The following NEK11 variants were observed in gnomAD, a reference collection of about 807,000 sequenced individuals.
The protein encoded by NEK11 is NIMA related kinase 11.
In NEK11, 72 loss-of-function variants were observed where a neutral mutation model predicts 80.7. The observed-to-expected ratio is 0.89, with a 90% CI of 0.74 to 1.08. NEK11 has a LOEUF of 1.08. Among genes scored for constraint, NEK11 ranks in the 50% least tolerant of loss-of-function variants. NEK11 has a pLI of 0.00. For synonymous variants in NEK11, 251 were observed against 260.7 expected (o/e 0.96, Z 0.36); for missense variants, 764 against 763.6 (o/e 1.00, Z -0.01).
At chr3:131,131,093 C>T (rs756059911) in intron 5 of NEK11, among the ~76,000 whole-genome samples, 3 of 152,188 alleles carry the variant, frequency 2.0e-5, no homozygotes, top group Admixed American at 6.5e-5. Flanking sequence ...TGAGCTGCCA[C>T]GCCTGGCCTA....
chr3:131,204,658 A>ATGGTT (rs1419519120), intron 14 of NEK11, among the ~76,000 whole-genome samples: 1 of 151,814 alleles, frequency 6.6e-6, no homozygotes, highest in Non-Finnish European at 1.5e-5. Flanking sequence ...CAGAGGAAAA[A>ATGGTT]TGGTTTGAGG....
rs1327799027 is a variant in NEK11, at chr3:131,234,743, T to G, written c.1560+6055T>G. 2.0e-5 allele frequency among the ~76,000 whole-genome samples: 3 copies of G among 152,156 alleles called. No individual in the cohort carries two copies. In the East Asian group the frequency reaches 5.8e-4, roughly 29 times the overall value. ...AGTCATATTAGGACCAGTCAAACCT[T>G]GCTGTGGAATACAGCACAGTGGGGT... is the stretch of plus-strand genomic sequence containing the variant. On this transcript the variant is annotated intron_variant, in intron 15 of 17. Transcript: ENST00000383366.
At chr3:131,091,897 C>G (rs963424351) in intron 4 of NEK11, among the ~76,000 whole-genome samples, 1 of 152,178 alleles carries the variant, frequency 6.6e-6, no homozygotes, top group Non-Finnish European at 1.5e-5. Flanking sequence ...AGGATGGACA[C>G]AAAAGCAAAC....
intron 6 of NEK11, 32 bp downstream of exon 6, chr3:131,132,841 C>T (rs747621698): frequency 3.7e-5 from 37 of 1,010,518 alleles, no homozygotes; most frequent in South Asian, 8.8e-5. Flanking sequence ...ATTCCAAAAA[C>T]GCAGAACAGT....
At chr3:131,117,583 G>A (rs570030766) in intron 5 of NEK11, among the ~76,000 whole-genome samples, 6 of 152,166 alleles carry the variant, frequency 3.9e-5, no homozygotes, top group Admixed American at 6.5e-5. Context: ...CCATTTTCAC[G>A]ATATTGATTC....
intron 5 of NEK11, among the ~76,000 whole-genome samples, chr3:131,130,651 G>A (rs2084260659): frequency 6.6e-6 from 1 of 152,024 alleles, no homozygotes; most frequent in Admixed American, 6.6e-5. Context: ...TGCTTTTTCT[G>A]CATCTATTGA....
chr3:131,029,843 G>T lies in NEK11; in HGVS notation c.135G>T (p.Leu45=). Residue 45 remains leucine (L), a synonymous_variant, in exon 3 of 18, where the codon CTG becomes CTT. Coordinates refer to ENST00000383366, the MANE Select transcript of NEK11 (RefSeq NM_024800.5). ...LGSGSFGTVY[L]VSDKKAKRGE... is the part of the protein sequence containing the mutation. ...GTGGAAGTTTTGGAACTGTCTATCT[G>T]GTTTCAGACAAGAAAGCCAAACGAG... is the stretch of plus-strand genomic sequence containing the variant. 1 of 1,614,204 alleles carries T rather than the reference G, an allele frequency of 6.2e-7. No homozygotes were observed. Among genetic ancestry groups the T allele is most frequent in the South Asian group, 1.1e-5 (1 of 91,078 alleles).
At chr3:131,200,261 GA>G (rs1384972689) in intron 14 of NEK11, among the ~76,000 whole-genome samples, 1 of 152,182 alleles carries the variant, frequency 6.6e-6, no homozygotes, top group Non-Finnish European at 1.5e-5. Flanking sequence ...TCAAGGTAAT[GA>G]AAATTAAAGT....
Position 131,349,569 on chromosome 3 carries a change from G to A in NEK11, c.1731G>A (p.Gln577=). 1 of 1,613,820 alleles carries A rather than the reference G, an allele frequency of 6.2e-7. No individual in the cohort carries two copies. The highest frequency in any genetic ancestry group is 8.5e-7 in the Non-Finnish European group (1 of 1,179,818). The stretch of plus-strand genomic sequence containing the variant: ...ACTTTTTTGACAGATCAGCCATGCA[G>A]AAGCTGGGGACAGAAGTATTTGAAG... ...KMKRMRESAM[Q]KLGTEVFEEV... The change falls in exon 18 of 18, where the codon CAG becomes CAA. Residue 577 remains glutamine (Q), a synonymous_variant. Coordinates refer to ENST00000383366, the MANE Select transcript of NEK11 (RefSeq NM_024800.5).
chr3:131,124,343 A>G (rs994185855), intron 5 of NEK11, among the ~76,000 whole-genome samples: 24 of 152,230 alleles, frequency 1.6e-4, no homozygotes, highest in African/African-American at 5.1e-4. Context: ...CTGTGGAGGC[A>G]GAGGCACACT....
chr3:131,270,873 A>G (rs2096170625), intron 16 of NEK11, among the ~76,000 whole-genome samples: 1 of 152,156 alleles, frequency 6.6e-6, no homozygotes, highest in Admixed American at 6.5e-5. Flanking sequence ...ATGGGAAAGG[A>G]GCACCTTATT....
intron 16 of NEK11, among the ~76,000 whole-genome samples, chr3:131,262,094 G>T (rs2095934644): frequency 6.6e-6 from 1 of 151,070 alleles, no homozygotes; most frequent in Non-Finnish European, 1.5e-5. Context: ...TGAAAGAGGG[G>T]ACATTACTAC....
chr3:131,170,902 T>C lies in NEK11; in HGVS notation c.1399+15T>C, dbSNP rs1197510161. 6.3e-7 allele frequency: 1 copy of C among 1,576,926 alleles called. No homozygotes were observed. On this transcript the variant is annotated intron_variant, in intron 14 of 17. Transcript: ENST00000383366. ...TGGATACCATGGTATGTGTTTGCATTGATTTTCAGAAGGATGCTCACAGCT... is the reference window on the plus strand; with the variant it reads ...TGGATACCATGGTATGTGTTTGCATCGATTTTCAGAAGGATGCTCACAGCT...
chr3:131,210,698 T>G (rs1370793366), intron 14 of NEK11, among the ~76,000 whole-genome samples: 3 of 152,246 alleles, frequency 2.0e-5, no homozygotes, highest in African/African-American at 7.2e-5. Flanking sequence ...TAGCTCTTCT[T>G]ATTGAATTGA....
intron 5 of NEK11, among the ~76,000 whole-genome samples, chr3:131,131,332 C>A (rs2149574313): frequency 6.6e-6 from 1 of 152,254 alleles, no homozygotes; most frequent in South Asian, 2.1e-4. Flanking sequence ...GTAGAATTCG[C>A]CAGTGAACCC....
At chr3:131,162,275 A>G in intron 10 of NEK11, 133 bp from the exon 11 acceptor site, 1 of 1,063,450 alleles carries the variant, frequency 9.4e-7, no homozygotes, top group Non-Finnish European at 1.3e-6. Context: ...CCCAAAGCTT[A>G]TTAGTTTTTG....
At chr3:131,241,534 A>G (rs904925624) in intron 15 of NEK11, among the ~76,000 whole-genome samples, 5 of 152,118 alleles carry the variant, frequency 3.3e-5, no homozygotes, top group Non-Finnish European at 7.4e-5. Flanking sequence ...TTTAAAATGC[A>G]GTCTATTGAT....
chr3:131,149,521 G>T (rs1322003462), intron 7 of NEK11, among the ~76,000 whole-genome samples: 6 of 151,860 alleles, frequency 4.0e-5, no homozygotes, highest in Non-Finnish European at 4.4e-5. Context: ...TGGTCATTCT[G>T]CTTTGAGTTT....
intron 3 of NEK11, among the ~76,000 whole-genome samples, chr3:131,068,445 T>A (rs992725439): frequency 6.6e-6 from 1 of 152,260 alleles, no homozygotes; most frequent in African/African-American, 2.4e-5. Flanking sequence ...TTTTTGATTC[T>A]AATGTTTTCC....
Sources: allele counts gnomAD v4.1 joint callset (sites outside exome capture counted in the v4.1 genomes callset), GRCh38; gene constraint gnomAD v4.1.1; transcripts MANE v1.5; gene names NCBI Gene and HGNC (gene_info 2026-07-23, HGNC 2026-07-21).